Variants in AGO4 observed in about 807,000 individuals in gnomAD.
AGO4 encodes the protein protein argonaute-4.
A neutral mutation model predicts 104.7 loss-of-function variants in AGO4; 33 were observed. That is an observed-to-expected ratio of 0.32 (90% confidence interval 0.24 to 0.42). The LOEUF (loss-of-function observed/expected upper bound fraction) is 0.42. Among genes scored for constraint, AGO4 ranks in the 10% least tolerant of loss-of-function variants. The pLI is 1.00. For synonymous variants in AGO4, 331 were observed against 364.7 expected (o/e 0.91, Z 1.05); for missense variants, 711 against 1,083.4 (o/e 0.66, Z 4.83).
In AGO4 at chr1:35,842,114, G is replaced by T. The variant is rs956143434; in HGVS notation, c.2175+364G>T. Among the ~76,000 whole-genome samples, 6 of 152,132 alleles carry T rather than the reference G, an allele frequency of 3.9e-5. No homozygotes were observed. The South Asian group carries it at 1.2e-3, about 32-fold the overall frequency. On this transcript the variant is annotated intron_variant, in intron 15 of 17. Transcript: ENST00000373210. Reference sequence around the variant, plus strand: ...CTGCACAGTTCTAGGGTATAAAGAAGAATTTATCTTCCAAATAATTTTATA... The same window carrying T: ...CTGCACAGTTCTAGGGTATAAAGAATAATTTATCTTCCAAATAATTTTATA...
At position 35,841,306 on chromosome 1, in the gene AGO4, G is replaced by C; in HGVS notation, c.1866G>C (p.Arg622=). Residue 622 remains arginine, a synonymous_variant, in exon 14 of 18, where the codon CGG becomes CGC. Transcript: ENST00000373210. The surrounding 1 kb of genome is among the most constrained non-coding windows in gnomAD (Gnocchi z 4.7). ...GHPSRYCATV[R]VQTSRQEISQ... ...CCAGCCGGTACTGTGCCACCGTTCG[G>C]GTGCAGACTTCCCGGCAGGAGATCT... 6.2e-7 allele frequency: 1 copy of C among 1,614,122 alleles called. No homozygotes were observed. The highest frequency in any genetic ancestry group is 8.5e-7 in the Non-Finnish European group (1 of 1,180,030).
chr1:35,843,449 CTTAAATTAAAAGGGCTGTT>C lies in AGO4; in HGVS notation c.2175+1718_2175+1736del, dbSNP rs763993927. 8.4e-4 allele frequency among the ~76,000 whole-genome samples: 128 copies of C among 152,218 alleles called. 1 individual carries two copies. The Middle Eastern group carries it at 0.034, about 41-fold the overall frequency. On this transcript the variant is annotated intron_variant, in intron 15 of 17. Coordinates refer to ENST00000373210, the MANE Select transcript of AGO4 (RefSeq NM_017629.4). ...AATCAGCTTAGATTAAAAGGACTGT[CTTAAATTAAAAGGGCTGTT>C]TTAAATTAAAAGGGCTGTCTTTAAA...
intron 5 of AGO4, 38 bp from the exon 6 acceptor site, chr1:35,825,888 C>A: frequency 6.2e-7 from 1 of 1,607,638 alleles, no homozygotes; most frequent in Non-Finnish European, 8.5e-7. Flanking sequence ...TGGCCCTTCC[C>A]TTTTCCCTGA....
rs891812011 is a variant in AGO4, at chr1:35,857,221, A to C, written c.*3616A>C. The C allele has an allele frequency of 1.3e-5, 2 of 152,202 alleles. No homozygotes were observed. The highest frequency in any genetic ancestry group is 4.8e-5 in the African/African-American group (2 of 41,448). 9.4% of individuals were successfully genotyped at this position (152,202 alleles called of 1,614,324 possible). On this transcript the variant is annotated 3_prime_UTR_variant, in exon 18 of 18. Transcript: ENST00000373210. ...CTGTGATATTTTCTTGCTCAATAGC[A>C]AGGTGGTAGCTCTGCTTTCATTTTA... is the stretch of plus-strand genomic sequence containing the variant.
chr1:35,827,073 G>A (rs12143347), intron 7 of AGO4, among the ~76,000 whole-genome samples: 4,068 of 151,728 alleles, frequency 0.027, 81 homozygotes, highest in Middle Eastern at 0.037. Flanking sequence ...GTGGTGGCGG[G>A]TACCTGTAAC....
chr1:35,826,796 G>A lies in AGO4; in HGVS notation c.809G>A (p.Arg270Gln). 1.2e-6 allele frequency: 2 copies of A among 1,614,142 alleles called. No individual in the cohort carries two copies. The highest frequency in any genetic ancestry group is 8.5e-7 in the Non-Finnish European group (1 of 1,180,022). ...THCGQMKRKY[R>Q]VCNVTRRPAS... ...TGTGGACAGATGAAACGAAAATACC[G>A]AGTTTGTAATGTGACTAGACGGCCA... The change falls in exon 7 of 18, where the codon CGA (arginine) becomes CAA (glutamine). Residue 270 changes from arginine (R) to glutamine (Q), a missense_variant. This residue lies in a region of AGO4 where 308 missense variants were observed against 397.8 expected (regional missense o/e 0.77). Transcript: ENST00000373210.
intron 1 of AGO4, among the ~76,000 whole-genome samples, chr1:35,811,119 A>G (rs1275752824): frequency 6.6e-6 from 1 of 151,902 alleles, no homozygotes; most frequent in African/African-American, 2.4e-5. Context: ...CACCTCAAAA[A>G]GAAACCCTGC....
chr1:35,838,234 G>A (rs1043336257), intron 13 of AGO4, among the ~76,000 whole-genome samples: 3 of 152,134 alleles, frequency 2.0e-5, no homozygotes, highest in Non-Finnish European at 4.4e-5. Flanking sequence ...TGTATTTTTA[G>A]TAGAGACAGG....
chr1:35,846,320 A>T (rs1478882859), intron 15 of AGO4, among the ~76,000 whole-genome samples: 1 of 152,038 alleles, frequency 6.6e-6, no homozygotes, highest in Non-Finnish European at 1.5e-5. Flanking sequence ...TCTGTGGGCC[A>T]GGTGCGGTGG....
rs555929159 is a variant in AGO4 at position 35,832,818 on chromosome 1, C to G, written c.1379+248C>G. 1.3e-4 allele frequency among the ~76,000 whole-genome samples: 20 copies of G among 152,244 alleles called. No individual in the cohort carries two copies. The South Asian group carries it at 3.9e-3, about 30-fold the overall frequency. On this transcript the variant is annotated intron_variant, in intron 11 of 17. Coordinates refer to ENST00000373210, the MANE Select transcript of AGO4 (RefSeq NM_017629.4). The stretch of plus-strand genomic sequence containing the variant: ...ACAAGGTGGAGACAATGTTGGTTGG[C>G]AAATTCTTGAGTTCTTATTGAAGCT...
Position 35,841,726 on chromosome 1 carries a change from C to T in AGO4, c.2151C>T (p.Leu717=). The T allele has an allele frequency of 1.9e-6, 3 of 1,613,742 alleles. No individual in the cohort carries two copies. Among genetic ancestry groups the T allele is most frequent in the Non-Finnish European group, 2.5e-6 (3 of 1,179,934 alleles). ...TGCAAAAAAGACATCACACACGACT[C>T]TTCTGTGCAGATAAAACAGAAAGGG... is the stretch of plus-strand genomic sequence containing the variant. ...IVVQKRHHTR[L]FCADKTERVG... The change falls in exon 15 of 18, where the codon CTC becomes CTT. Residue 717 remains leucine, a synonymous_variant. Transcript: ENST00000373210. The surrounding 1 kb of genome is among the most constrained non-coding windows in gnomAD (Gnocchi z 4.7).
intron 2 of AGO4, among the ~76,000 whole-genome samples, chr1:35,820,155 C>G (rs900595318): frequency 6.6e-6 from 1 of 152,018 alleles, no homozygotes; most frequent in Non-Finnish European, 1.5e-5. Context: ...GTTCAAGGAG[C>G]ATTGAATTTA....
At chr1:35,818,658 A>AAGGAAGG (rs1553144551) in intron 2 of AGO4, among the ~76,000 whole-genome samples, 656 of 61,386 alleles carry the variant, frequency 0.011, 3 homozygotes, top group African/African-American at 0.02. Context: ...AGAAAGAAAG[A>AAGGAAGG]AAGGAAGAAA....
intron 13 of AGO4, among the ~76,000 whole-genome samples, chr1:35,839,966 C>CA (rs1193105845): frequency 0.046 from 4,063 of 88,788 alleles, 157 homozygotes; most frequent in African/African-American, 0.13. Context: ...GACCCTGTCT[C>CA]AAAAAAAAAA....
intron 15 of AGO4, among the ~76,000 whole-genome samples, chr1:35,847,902 A>G (rs1304253889): frequency 3.9e-5 from 6 of 152,116 alleles, no homozygotes; most frequent in Non-Finnish European, 8.8e-5. Context: ...TGGGTTACAT[A>G]GGAATTCTTA....
intron 7 of AGO4, among the ~76,000 whole-genome samples, chr1:35,827,898 G>A (rs1185765019): frequency 6.9e-6 from 1 of 145,830 alleles, no homozygotes; most frequent in East Asian, 2.1e-4. Context: ...TTACAGGCAT[G>A]CACCACCACA....
At position 35,830,899 on chromosome 1, in the gene AGO4, G is replaced by A. The variant is rs1197423806; in HGVS notation, c.849-528G>A. Reference sequence around the variant, plus strand: ...AGGCAGGAGAACCGCTTGAACCCGGGAGATGGAGATTGCAGTGAACCAAGA... The same window carrying A: ...AGGCAGGAGAACCGCTTGAACCCGGAAGATGGAGATTGCAGTGAACCAAGA... On this transcript the variant is annotated intron_variant, in intron 7 of 17. Coordinates refer to ENST00000373210, the MANE Select transcript of AGO4 (RefSeq NM_017629.4). 5.3e-5 allele frequency among the ~76,000 whole-genome samples: 8 copies of A among 151,066 alleles called. No homozygotes were observed. In the East Asian group the frequency reaches 1.6e-3, roughly 29 times the overall value.
chr1:35,824,572 G>A (rs1643965792), intron 3 of AGO4, among the ~76,000 whole-genome samples: 1 of 149,188 alleles, frequency 6.7e-6, no homozygotes, highest in Admixed American at 6.7e-5. Context: ...ATCGAGGTGG[G>A]AGAATTGCTT....
intron 6 of AGO4, among the ~76,000 whole-genome samples, chr1:35,826,510 T>G (rs1297778590): frequency 6.6e-6 from 1 of 152,230 alleles, no homozygotes; most frequent in Non-Finnish European, 1.5e-5. Flanking sequence ...TAGTTGATGC[T>G]TAATAAATAT....
Sources: allele counts gnomAD v4.1 joint callset (sites outside exome capture counted in the v4.1 genomes callset), GRCh38; gene constraint gnomAD v4.1.1; regional missense constraint gnomAD v4.1.1; non-coding constraint Gnocchi (gnomAD v3.1); transcripts MANE v1.5; gene names NCBI Gene and HGNC (gene_info 2026-07-23, HGNC 2026-07-21).